The following PACRG variants were observed in gnomAD, a reference collection of about 807,000 sequenced individuals.
PACRG encodes parkin coregulated.
PACRG carries 29 observed loss-of-function variants against 29.7 expected under a neutral mutation model. The ratio of observed to expected loss-of-function variants is 0.98; its 90% CI spans 0.73 to 1.33. The LOEUF is 1.33. Among genes scored for constraint, PACRG ranks in the 40% most tolerant of loss-of-function variants. The pLI is 0.00. For missense variants in PACRG, 279 were observed against 316.2 expected, an observed-to-expected ratio of 0.88 and a Z score of 0.89; for synonymous variants, 116 against 118.7, an observed-to-expected ratio of 0.98 and a Z score of 0.15.
At chr6:162,763,100 T>G (rs1358932946) in intron 1 of PACRG, among the ~76,000 whole-genome samples, 6 of 152,224 alleles carry the variant, frequency 3.9e-5, no homozygotes, top group Admixed American at 2.0e-4. Context: ...ATCCAGACTT[T>G]CAAATTTACA....
chr6:163,305,841 G>A (rs1373545364), intron 4 of PACRG, among the ~76,000 whole-genome samples: 2 of 152,198 alleles, frequency 1.3e-5, no homozygotes, highest in Admixed American at 6.5e-5. Context: ...AGTGGCTACA[G>A]TATCTCCCCA....
intron 4 of PACRG, among the ~76,000 whole-genome samples, chr6:163,175,744 A>AAGGAGG (rs3061922): frequency 0.29 from 39,398 of 136,444 alleles, 5,993 homozygotes; most frequent in East Asian, 0.41. Context: ...GCACCTGTCA[A>AAGGAGG]AGGAGGAGGA....
At chr6:163,086,020 G>A (rs963783382) in intron 3 of PACRG, among the ~76,000 whole-genome samples, 4 of 152,192 alleles carry the variant, frequency 2.6e-5, no homozygotes, top group African/African-American at 7.2e-5. Flanking sequence ...GGCACATGGC[G>A]GTGCTCACTA....
At chr6:162,947,470 AAT>A (rs1491564951) in intron 2 of PACRG, among the ~76,000 whole-genome samples, 21 of 96,184 alleles carry the variant, frequency 2.2e-4, no homozygotes, top group Admixed American at 1.0e-3. Flanking sequence ...AATCATATAT[AAT>A]ATATATATAA....
Position 163,039,732 on chromosome 6 carries a change from A to C in PACRG, c.292-22418A>C, listed in dbSNP as rs186181750. Among the ~76,000 whole-genome samples, 3 of 152,346 alleles carry C rather than the reference A, an allele frequency of 2.0e-5. No homozygotes were observed. In the East Asian group the frequency reaches 5.8e-4, roughly 29 times the overall value. The stretch of plus-strand genomic sequence containing the variant: ...AGAGATGATTTAGGGCATCTGGCAG[A>C]AGAAATTTCTAAGCAGCAAAGCATT... On this transcript the variant is annotated intron_variant, in intron 2 of 4. Transcript: ENST00000366888.
At chr6:163,063,896 T>C (rs1221731410) in intron 3 of PACRG, among the ~76,000 whole-genome samples, 1 of 152,132 alleles carries the variant, frequency 6.6e-6, no homozygotes, top group African/African-American at 2.4e-5. Flanking sequence ...GTTAAAACCT[T>C]TTCCAAAAGT....
chr6:162,752,542 T>G (rs1781587595), intron 1 of PACRG, among the ~76,000 whole-genome samples: 1 of 152,188 alleles, frequency 6.6e-6, no homozygotes, highest in African/African-American at 2.4e-5. Flanking sequence ...AATTAAAATA[T>G]TCCCAAAGCC....
At chr6:162,860,800 G>A (rs1236923597) in intron 2 of PACRG, among the ~76,000 whole-genome samples, 1 of 152,170 alleles carries the variant, frequency 6.6e-6, no homozygotes, top group Non-Finnish European at 1.5e-5. Flanking sequence ...GCTTAGAGTG[G>A]ATAATTATTC....
intron 4 of PACRG, among the ~76,000 whole-genome samples, chr6:163,178,028 G>T (rs874292): frequency 0.33 from 50,713 of 151,924 alleles, 9,597 homozygotes; most frequent in Middle Eastern, 0.46. Context: ...GACAGAACAA[G>T]GAGTGTTCCC....
At chr6:163,086,633 G>A (rs2128297473) in intron 3 of PACRG, among the ~76,000 whole-genome samples, 2 of 152,164 alleles carry the variant, frequency 1.3e-5, no homozygotes, top group South Asian at 4.2e-4. Context: ...GTTGCTAGGG[G>A]GGATGAATCT....
In PACRG at chr6:163,038,637, A is replaced by G. The variant is rs529959093; in HGVS notation, c.292-23513A>G. Among the ~76,000 whole-genome samples the G allele has an allele frequency of 1.1e-4, 16 of 152,294 alleles. No homozygotes were observed. In the East Asian group the frequency reaches 3.1e-3, roughly 29 times the overall value. On this transcript the variant is annotated intron_variant, in intron 2 of 4. Transcript: ENST00000366888. Reference sequence around the variant, plus strand: ...CCTCTGTCTCATGAATTGGTATGAAATGTTATAGAGCAAAAAAGAATGGAT... The same window carrying G: ...CCTCTGTCTCATGAATTGGTATGAAGTGTTATAGAGCAAAAAAGAATGGAT...
intron 2 of PACRG, among the ~76,000 whole-genome samples, chr6:162,883,836 C>T (rs768226335): frequency 3.9e-5 from 6 of 152,070 alleles, no homozygotes; most frequent in Non-Finnish European, 7.3e-5. Flanking sequence ...AATTTAACTA[C>T]TAATACCCTA....
At chr6:162,729,721 T>TA (rs1399850547) in intron 1 of PACRG, among the ~76,000 whole-genome samples, 2 of 152,030 alleles carry the variant, frequency 1.3e-5, no homozygotes, top group Non-Finnish European at 2.9e-5. Flanking sequence ...ATTTTTTTTT[T>TA]ACTGGTTGGG....
intron 4 of PACRG, among the ~76,000 whole-genome samples, chr6:163,281,375 A>G (rs750272023): frequency 6.6e-6 from 1 of 152,186 alleles, no homozygotes; most frequent in Non-Finnish European, 1.5e-5. Flanking sequence ...CAGTCCTCAA[A>G]GGTATCTGCA....
intron 2 of PACRG, among the ~76,000 whole-genome samples, chr6:162,924,602 T>C (rs1584768687): frequency 6.6e-6 from 1 of 152,146 alleles, no homozygotes; most frequent in Non-Finnish European, 1.5e-5. Flanking sequence ...TGAAGAGATG[T>C]AGAATTTTAT....
intron 1 of PACRG, among the ~76,000 whole-genome samples, chr6:162,813,887 G>C (rs1035796228): frequency 6.6e-6 from 1 of 151,972 alleles, no homozygotes; most frequent in Non-Finnish European, 1.5e-5. Flanking sequence ...TCCCTCTAAA[G>C]TGATATTTTA....
At chr6:162,897,519 A>C (rs557100179) in intron 2 of PACRG, among the ~76,000 whole-genome samples, 1 of 152,324 alleles carries the variant, frequency 6.6e-6, no homozygotes, top group Middle Eastern at 3.4e-3. Context: ...CAGTGAATTT[A>C]TCCAGAAATG....
At chr6:163,165,799 GC>G (rs1778775866) in intron 4 of PACRG, 1 of 256,428 alleles carries the variant, frequency 3.9e-6, no homozygotes. Flanking sequence ...TCACTCAGAG[GC>G]CTCTGTGACG....
At chr6:163,269,413 C>T (rs867689788) in intron 4 of PACRG, among the ~76,000 whole-genome samples, 17 of 152,206 alleles carry the variant, frequency 1.1e-4, no homozygotes, top group Non-Finnish European at 1.8e-4. Context: ...TTCTGGTTGA[C>T]AGGTTCTGTA....
Sources: allele counts gnomAD v4.1 joint callset (sites outside exome capture counted in the v4.1 genomes callset), GRCh38; gene constraint gnomAD v4.1.1; transcripts MANE v1.5; gene names NCBI Gene and HGNC (gene_info 2026-07-23, HGNC 2026-07-21).